The following THSD7B variants were observed in gnomAD, a reference collection of about 807,000 sequenced individuals.
The protein encoded by THSD7B is thrombospondin type 1 domain containing 7B, also known as thrombospondin type-1 domain-containing protein 7B.
Under a neutral mutation model 213.6 loss-of-function variants are expected in THSD7B, and 138 were observed. That is an observed-to-expected ratio of 0.65 (90% CI 0.56 to 0.74). THSD7B has a LOEUF of 0.74. Among genes scored for constraint, THSD7B ranks in the 30% least tolerant of loss-of-function variants. The pLI, the probability that THSD7B is intolerant of heterozygous loss-of-function variation, is 0.00. For synonymous variants in THSD7B, 742 were observed against 687.0 expected (o/e 1.08, Z -1.25); for missense variants, 1,931 against 1,991.5 (o/e 0.97, Z 0.58).
intron 1 of THSD7B, among the ~76,000 whole-genome samples, chr2:136,775,782 A>G (rs2104901938): frequency 6.6e-6 from 1 of 152,252 alleles, no homozygotes; most frequent in East Asian, 1.9e-4. Context: ...CCCTTTAAGT[A>G]TCCCATTAAG....
At chr2:137,546,896 C>A (rs1680752141) in intron 15 of THSD7B, among the ~76,000 whole-genome samples, 2 of 151,838 alleles carry the variant, frequency 1.3e-5, no homozygotes, top group South Asian at 4.1e-4. Context: ...GAAGTTTAAT[C>A]AAATGGAGAC....
intron 2 of THSD7B, among the ~76,000 whole-genome samples, chr2:136,898,807 TAA>T (rs900306313): frequency 6.6e-6 from 1 of 151,912 alleles, no homozygotes; most frequent in Non-Finnish European, 1.5e-5. Flanking sequence ...CATGCCCAGC[TAA>T]GTTTTGTAGT....
chr2:137,563,164 A>AT, intron 15 of THSD7B, 57 bp from the exon 16 acceptor site: 1 of 1,570,918 alleles, frequency 6.4e-7, no homozygotes, highest in East Asian at 2.3e-5. Context: ...AAGATAGGCT[A>AT]TTTTTCTATA....
At chr2:137,538,398 A>G (rs561911595) in intron 15 of THSD7B, 4 of 459,516 alleles carry the variant, frequency 8.7e-6, no homozygotes, top group Admixed American at 2.7e-5. Context: ...ACTTTTTTCA[A>G]TTTTGCATTA....
intron 2 of THSD7B, among the ~76,000 whole-genome samples, chr2:137,017,960 G>A (rs187042131): frequency 6.6e-5 from 10 of 151,698 alleles, no homozygotes; most frequent in South Asian, 2.1e-4. Context: ...CTGTGAGGCC[G>A]AGGGAAAGAC....
chr2:137,286,018 C>A (rs534520906), intron 12 of THSD7B, among the ~76,000 whole-genome samples: 2 of 151,130 alleles, frequency 1.3e-5, no homozygotes, highest in Non-Finnish European at 2.9e-5. Context: ...GCAGAAGAAT[C>A]ACTTGAACCC....
At chr2:137,201,538 T>A (rs926196246) in intron 7 of THSD7B, among the ~76,000 whole-genome samples, 11 of 152,282 alleles carry the variant, frequency 7.2e-5, no homozygotes, top group African/African-American at 2.6e-4. Flanking sequence ...CCACCAACAA[T>A]GTATACATAT....
intron 12 of THSD7B, among the ~76,000 whole-genome samples, chr2:137,399,367 A>G (rs1686297992): frequency 6.6e-6 from 1 of 151,608 alleles, no homozygotes; most frequent in Admixed American, 6.6e-5. Flanking sequence ...TAATTTTTTT[A>G]TTTTTAGTAG....
At chr2:137,117,417 C>T (rs1054373182) in intron 5 of THSD7B, among the ~76,000 whole-genome samples, 1 of 152,040 alleles carries the variant, frequency 6.6e-6, no homozygotes, top group Non-Finnish European at 1.5e-5. Flanking sequence ...ATAATAAAGG[C>T]CAAAATTGGA....
At position 137,489,921 on chromosome 2, in the gene THSD7B, T is replaced by G. The variant is rs533918122; in HGVS notation, c.3138+38898T>G. ...TCTGTGGAACAATGTTCTGTTTTTT[T>G]TGTGTGTGTGTGGTGTCACGTAGAG... On this transcript the variant is annotated intron_variant, in intron 15 of 27. Transcript: ENST00000409968. Among the ~76,000 whole-genome samples the G allele has an allele frequency of 2.3e-3, 357 of 152,244 alleles. 1 individual carries two copies. The highest frequency in any genetic ancestry group is 7.8e-3 in the African/African-American group (322 of 41,544).
intron 2 of THSD7B, among the ~76,000 whole-genome samples, chr2:136,887,380 T>C (rs1349971371): frequency 6.6e-6 from 1 of 151,858 alleles, no homozygotes; most frequent in Non-Finnish European, 1.5e-5. Flanking sequence ...ACTCTTGATA[T>C]AGTTTGGATG....
chr2:136,827,210 G>C (rs527332620), intron 1 of THSD7B, among the ~76,000 whole-genome samples: 2 of 152,070 alleles, frequency 1.3e-5, no homozygotes, highest in African/African-American at 2.4e-5. Flanking sequence ...ATTTTTCTGC[G>C]GATCTTTCAT....
chr2:137,076,806 A>G (rs936157191), intron 3 of THSD7B, among the ~76,000 whole-genome samples: 27 of 151,686 alleles, frequency 1.8e-4, no homozygotes, highest in Non-Finnish European at 8.8e-5. Flanking sequence ...GATACAGTAT[A>G]TTGTTTATTT....
chr2:137,357,499 G>A (rs1685159188), intron 12 of THSD7B, among the ~76,000 whole-genome samples: 1 of 152,046 alleles, frequency 6.6e-6, no homozygotes, highest in Non-Finnish European at 1.5e-5. Flanking sequence ...ATTCCATAAG[G>A]TATGCAGCAA....
intron 12 of THSD7B, among the ~76,000 whole-genome samples, chr2:137,338,233 C>A (rs1684684616): frequency 6.6e-6 from 1 of 152,022 alleles, no homozygotes; most frequent in African/African-American, 2.4e-5. Context: ...GCTCATATTA[C>A]AGCAGGCTCA....
At chr2:137,090,495 A>AT (rs1446052180) in intron 3 of THSD7B, among the ~76,000 whole-genome samples, 1 of 152,190 alleles carries the variant, frequency 6.6e-6, no homozygotes, top group Non-Finnish European at 1.5e-5. Context: ...GCTTCTGCCC[A>AT]TATTTGTAAA....
intron 2 of THSD7B, among the ~76,000 whole-genome samples, chr2:137,025,981 C>G (rs1268094318): frequency 6.6e-6 from 1 of 152,136 alleles, no homozygotes; most frequent in African/African-American, 2.4e-5. Flanking sequence ...CCAGGTGAGA[C>G]AGATACTGCT....
chr2:136,813,462 C>T (rs1238835311), intron 1 of THSD7B, among the ~76,000 whole-genome samples: 4 of 152,170 alleles, frequency 2.6e-5, no homozygotes, highest in South Asian at 2.1e-4. Flanking sequence ...ATGACTTAAA[C>T]GTATACACAC....
chr2:137,294,067 C>T (rs1683399400), intron 12 of THSD7B, among the ~76,000 whole-genome samples: 1 of 152,114 alleles, frequency 6.6e-6, no homozygotes, highest in African/African-American at 2.4e-5. Context: ...CTTCACAGGG[C>T]TTTCAATAAA....
Sources: gnomAD v4.1 joint callset for allele counts (sites outside exome capture counted in the v4.1 genomes callset) on GRCh38, gnomAD v4.1.1 for gene constraint, MANE v1.5 for transcripts, NCBI Gene and HGNC (gene_info 2026-07-23, HGNC 2026-07-21) for gene names.